Variants in LOXL4 observed in about 807,000 individuals in gnomAD.
LOXL4 encodes the protein lysyl oxidase homolog 4.
Under a neutral mutation model 89.1 loss-of-function variants are expected in LOXL4, and 72 were observed. The observed-to-expected ratio is 0.81, with a 90% CI of 0.67 to 0.98. The LOEUF is 0.98. Among genes scored for constraint, LOXL4 ranks in the 50% least tolerant of loss-of-function variants. The pLI is 0.00. For missense variants in LOXL4, 984 were observed against 1,017.5 expected (o/e 0.97, Z 0.45); for synonymous variants, 355 against 392.1 (o/e 0.91, Z 1.12).
chr10:98,250,973 C>T, intron 14 of LOXL4, 92 bp downstream of exon 14: 1 of 873,400 alleles, frequency 1.1e-6, no homozygotes, highest in Non-Finnish European at 1.9e-6. Context: ...ACATACAAGT[C>T]ACACGCTGGA....
At position 98,250,836 on chromosome 10, in the gene LOXL4, C is replaced by T. The variant is rs3750597; in HGVS notation, c.2200+229G>A. ...GTTTACAATCAAACAGCCTTAAGTG[C>T]AAACAGGGATGTAGAAGATGTAGTT... On this transcript the variant is annotated intron_variant, in intron 14 of 14. Coordinates refer to ENST00000260702, the MANE Select transcript of LOXL4 (RefSeq NM_032211.7). 5.4e-4 allele frequency among the ~76,000 whole-genome samples: 82 copies of T among 152,294 alleles called. 6 individuals carry two copies. The East Asian group carries it at 0.016, about 29-fold the overall frequency.
intron 11 of LOXL4, among the ~76,000 whole-genome samples, chr10:98,252,786 G>A (rs1242014750): frequency 6.6e-6 from 1 of 152,196 alleles, no homozygotes; most frequent in South Asian, 2.1e-4. Context: ...GCGGGGCACC[G>A]GGTCTGTGAG....
chr10:98,253,774 G>A lies in LOXL4; in HGVS notation c.1614C>T (p.Asn538=), dbSNP rs377435780. Residue 538 remains asparagine (N), a synonymous_variant, in exon 11 of 15, where the codon AAC becomes AAT. Transcript: ENST00000260702. ...CMDSAPDLVM[N]AQLVQETAYL... ...AGGCCGTCTCCTGCACTAGCTGGGC[G>A]TTCATCACCAGGTCTGGTGCACCTG... 14 of 1,613,952 alleles carry A rather than the reference G, an allele frequency of 8.7e-6. No individual in the cohort carries two copies. Among genetic ancestry groups the A allele is most frequent in the African/African-American group, 6.7e-5 (5 of 74,924 alleles).
At chr10:98,249,097 C>A in intron 14 of LOXL4, 106 bp from the exon 15 acceptor site, 1 of 830,558 alleles carries the variant, frequency 1.2e-6, no homozygotes, top group South Asian at 1.5e-5. Context: ...TATATCAAGT[C>A]ATGGCATGGG....
intron 1 of LOXL4, among the ~76,000 whole-genome samples, chr10:98,266,216 G>A (rs1465503752): frequency 6.6e-6 from 1 of 152,152 alleles, no homozygotes; most frequent in Non-Finnish European, 1.5e-5. Flanking sequence ...ACATGGGTCT[G>A]GGCTGAGTGA....
chr10:98,252,876 A>T (rs1858242957), intron 11 of LOXL4, among the ~76,000 whole-genome samples: 2 of 152,336 alleles, frequency 1.3e-5, no homozygotes, highest in South Asian at 4.1e-4. Context: ...CAATCCAGTT[A>T]TAATGACAGC....
At position 98,262,779 on chromosome 10, in the gene LOXL4, T is replaced by G; in HGVS notation, c.241A>C (p.Thr81Pro). The stretch of plus-strand genomic sequence containing the variant: ...CCGTACTTGGCACTGTGGGCCCAGG[T>G]CAAGGCAGCTTCGAAGCCCAGCTGG... ...CRQLGFEAALTWAHSAKYGQG... is the reference protein window; with the variant it reads ...CRQLGFEAALPWAHSAKYGQG... Residue 81 changes from threonine (T) to proline (P), a missense_variant, in exon 2 of 15, where the codon ACC becomes CCC. Thr to Pro is a conservative substitution (Grantham distance 38). Coordinates refer to ENST00000260702, the MANE Select transcript of LOXL4 (RefSeq NM_032211.7). The G allele has an allele frequency of 6.2e-7, 1 of 1,613,378 alleles. No homozygotes were observed. The highest frequency in any genetic ancestry group is 8.5e-7 in the Non-Finnish European group (1 of 1,180,026).
At chr10:98,261,906 G>A in intron 3 of LOXL4, 129 bp downstream of exon 3, 1 of 975,066 alleles carries the variant, frequency 1.0e-6, no homozygotes, top group East Asian at 3.0e-5. Flanking sequence ...GGAGTCGGCG[G>A]CCTGGGGACG....
chr10:98,254,584 T>C (rs1389769769), intron 10 of LOXL4, among the ~76,000 whole-genome samples: 2 of 152,132 alleles, frequency 1.3e-5, no homozygotes, highest in African/African-American at 4.8e-5. Context: ...AAGAAAGCAA[T>C]GTGAAAAGCC....
At chr10:98,249,443 G>C (rs528113631) in intron 14 of LOXL4, among the ~76,000 whole-genome samples, 1 of 152,346 alleles carries the variant, frequency 6.6e-6, no homozygotes, top group South Asian at 2.1e-4. Context: ...TGTGACTCCT[G>C]TTCCAGCTAG....
At chr10:98,266,586 G>A (rs1037457372) in intron 1 of LOXL4, among the ~76,000 whole-genome samples, 8 of 152,100 alleles carry the variant, frequency 5.3e-5, no homozygotes, top group African/African-American at 1.4e-4. Flanking sequence ...TTCCATGAAC[G>A]CTGCTGGAAG....
chr10:98,254,653 G>A (rs534761946), intron 10 of LOXL4, among the ~76,000 whole-genome samples: 6 of 152,362 alleles, frequency 3.9e-5, no homozygotes, highest in South Asian at 2.1e-4. Flanking sequence ...CCAAGTTGTC[G>A]TGAAGGATCA....
chr10:98,259,424 A>T lies in LOXL4; in HGVS notation c.668T>A (p.Val223Asp). The T allele has an allele frequency of 6.2e-7, 1 of 1,612,944 alleles. No homozygotes were observed. Among genetic ancestry groups the T allele is most frequent in the Non-Finnish European group, 8.5e-7 (1 of 1,179,700 alleles). ...VPVDSHYYRKVWDLKMRDPKS... is the reference protein window; with the variant it reads ...VPVDSHYYRKDWDLKMRDPKS... ...AGGGTCCCTCATCTTCAGATCCCAG[A>T]CTTTCCTGTTATGGGAGAAAACAGA... The change falls in exon 5 of 15, where the codon GTC (valine) becomes GAC (aspartate). Residue 223 changes from valine to aspartate, a missense_variant. Coordinates refer to ENST00000260702, the MANE Select transcript of LOXL4 (RefSeq NM_032211.7).
chr10:98,251,997 T>C (rs1359827765), intron 12 of LOXL4: 4 of 505,334 alleles, frequency 7.9e-6, no homozygotes, highest in African/African-American at 1.9e-5. Context: ...CCTCTAAAGA[T>C]TCAGTGTTTA....
Position 98,255,685 on chromosome 10 carries a change from C to G in LOXL4, c.1483G>C (p.Val495Leu), listed in dbSNP as rs772105552. Residue 495 changes from valine (V) to leucine (L), a missense_variant, in exon 10 of 15, where the codon GTG becomes CTG. Physicochemically the swap from Val to Leu is conservative, Grantham distance 32. Transcript: ENST00000260702. ...PRAQEVVMSG[V>L]RCSGTELALQ... ...GCCAGCTCTGTGCCTGAGCAGCGCACCCCACTCATCACCACCTCCTGGGCC... is the reference window on the plus strand; with the variant it reads ...GCCAGCTCTGTGCCTGAGCAGCGCAGCCCACTCATCACCACCTCCTGGGCC... 2 of 1,613,670 alleles carry G rather than the reference C, an allele frequency of 1.2e-6. No individual in the cohort carries two copies. Among genetic ancestry groups the G allele is most frequent in the Non-Finnish European group, 1.7e-6 (2 of 1,179,586 alleles).
chr10:98,261,594 C>T (rs1018838644), intron 3 of LOXL4, among the ~76,000 whole-genome samples: 1 of 152,214 alleles, frequency 6.6e-6, no homozygotes, highest in Non-Finnish European at 1.5e-5. Flanking sequence ...GAGTCCCCAT[C>T]ACAACACGCT....
intron 2 of LOXL4, 118 bp downstream of exon 2, chr10:98,262,625 C>T: frequency 7.9e-7 from 1 of 1,271,812 alleles, no homozygotes; most frequent in Non-Finnish European, 1.1e-6. Flanking sequence ...TCAGGAAATG[C>T]CGTGTGGAGG....
chr10:98,265,371 CTATTATTATTATTAT>C lies in LOXL4; in HGVS notation c.-32-2335_-32-2321del, dbSNP rs148906358. Among the ~76,000 whole-genome samples the C allele has an allele frequency of 4.9e-3, 587 of 118,788 alleles. 62 individuals carry two copies. The highest frequency in any genetic ancestry group is 0.012 in the African/African-American group (405 of 32,420). 77.9% of individuals were successfully genotyped at this position (118,788 alleles called of 152,430 possible). On this transcript the variant is annotated intron_variant, in intron 1 of 14. Transcript: ENST00000260702. ...AGAGCAAGCCTTCAGTAACAATGAA[CTATTATTATTATTAT>C]TATTATTATTATTATTATTATTATT...
In LOXL4 at chr10:98,259,083, C is replaced by A; in HGVS notation, c.847G>T (p.Val283Leu). 6.3e-7 allele frequency: 1 copy of A among 1,593,256 alleles called. No individual in the cohort carries two copies. Among genetic ancestry groups the A allele is most frequent in the Non-Finnish European group, 8.6e-7 (1 of 1,169,320 alleles). ...RPACPGGMHAVVSCVAGPHFR... is the reference protein window; with the variant it reads ...RPACPGGMHALVSCVAGPHFR... ...TGAGGCCCTGCCACACAGCTGACCA[C>A]AGCGTGCATGCCACCTGGGCAGGCT... Residue 283 changes from valine (V) to leucine (L), a missense_variant, in exon 6 of 15, where the codon GTG becomes TTG. Coordinates refer to ENST00000260702, the MANE Select transcript of LOXL4 (RefSeq NM_032211.7).
Sources: allele counts gnomAD v4.1 joint callset (sites outside exome capture counted in the v4.1 genomes callset), GRCh38; gene constraint gnomAD v4.1.1; transcripts MANE v1.5; gene names NCBI Gene and HGNC (gene_info 2026-07-23, HGNC 2026-07-21).